Variants in GRIK2 observed in about 807,000 individuals in gnomAD.
GRIK2 encodes the protein glutamate receptor ionotropic, kainate 2.
Under a neutral mutation model 100.3 loss-of-function variants are expected in GRIK2, and 32 were observed. The observed-to-expected ratio is 0.32, with a 90% CI of 0.24 to 0.43. The LOEUF is 0.43. Ranked by LOEUF, GRIK2 falls within the 20% of genes least tolerant of loss-of-function variation. GRIK2 has a pLI of 1.00. For synonymous variants in GRIK2, 417 were observed against 389.4 expected (o/e 1.07, Z -0.83); for missense variants, 843 against 1,114.9 (o/e 0.76, Z 3.47).
chr6:102,031,095 A>G (rs993956497), intron 14 of GRIK2, among the ~76,000 whole-genome samples: 1 of 132,644 alleles, frequency 7.5e-6, no homozygotes, highest in Non-Finnish European at 1.7e-5. Flanking sequence ...ACACACACAC[A>G]CACACACACA....
chr6:101,728,127 T>G lies in GRIK2; in HGVS notation c.951+41774T>G, dbSNP rs189510951. On this transcript the variant is annotated intron_variant, in intron 7 of 16. Coordinates refer to ENST00000369134, the MANE Select transcript of GRIK2 (RefSeq NM_021956.5). ...TAATTTGAAAGCAAAATGAAGATAT[T>G]TGAAATAATTTGGTTAACTTATCAC... Among the ~76,000 whole-genome samples, 283 of 152,098 alleles carry G rather than the reference T, an allele frequency of 1.9e-3. 1 individual carries two copies. Among genetic ancestry groups the G allele is most frequent in the African/African-American group, 6.6e-3 (274 of 41,516 alleles).
At chr6:101,875,060 C>T (rs1785726321) in intron 11 of GRIK2, among the ~76,000 whole-genome samples, 1 of 152,096 alleles carries the variant, frequency 6.6e-6, no homozygotes, top group African/African-American at 2.4e-5. Flanking sequence ...AATTTGATTT[C>T]CTTTTTTCCT....
intron 11 of GRIK2, among the ~76,000 whole-genome samples, chr6:101,875,006 A>T (rs987571339): frequency 6.6e-6 from 1 of 152,072 alleles, no homozygotes. Flanking sequence ...GGCTGAGATG[A>T]TGGGGTTTTC....
intron 2 of GRIK2, among the ~76,000 whole-genome samples, chr6:101,470,043 T>C: frequency 6.6e-6 from 1 of 152,172 alleles, no homozygotes; most frequent in African/African-American, 2.4e-5. Context: ...ACATACAAGT[T>C]CTTAAGTGGC....
intron 7 of GRIK2, among the ~76,000 whole-genome samples, chr6:101,727,662 GT>G (rs1774968211): frequency 6.6e-6 from 1 of 152,018 alleles, no homozygotes; most frequent in Admixed American, 6.6e-5. Flanking sequence ...AGTTTCAGTG[GT>G]TTTTCTTGTG....
intron 14 of GRIK2, among the ~76,000 whole-genome samples, chr6:101,964,562 G>A (rs1291335763): frequency 6.6e-6 from 1 of 152,074 alleles, no homozygotes; most frequent in African/African-American, 2.4e-5. Flanking sequence ...GTGACCAGGG[G>A]GTCTCGCACA....
At chr6:101,419,580 T>C (rs528761183) in intron 2 of GRIK2, among the ~76,000 whole-genome samples, 1 of 152,350 alleles carries the variant, frequency 6.6e-6, no homozygotes, top group Non-Finnish European at 1.5e-5. Context: ...AATTGTATAG[T>C]GCTTTGCATT....
chr6:101,808,142 C>T (rs1303898810), intron 9 of GRIK2, among the ~76,000 whole-genome samples: 2 of 151,936 alleles, frequency 1.3e-5, no homozygotes, highest in African/African-American at 2.4e-5. Context: ...AAACACAAAA[C>T]TGATGGCATA....
chr6:101,678,237 G>C (rs1770983858), intron 5 of GRIK2, among the ~76,000 whole-genome samples: 2 of 152,040 alleles, frequency 1.3e-5, no homozygotes, highest in Admixed American at 6.6e-5. Flanking sequence ...TATCTGGAAG[G>C]TGAGAAGCCT....
chr6:101,926,322 T>C (rs547041644), intron 13 of GRIK2, among the ~76,000 whole-genome samples: 10 of 151,834 alleles, frequency 6.6e-5, no homozygotes, highest in Admixed American at 1.3e-4. Flanking sequence ...ATTTTATAAG[T>C]AGTGTTGAGT....
At chr6:101,544,053 C>G (rs1562214475) in intron 2 of GRIK2, among the ~76,000 whole-genome samples, 1 of 152,198 alleles carries the variant, frequency 6.6e-6, no homozygotes, top group African/African-American at 2.4e-5. Flanking sequence ...TAAACAGACA[C>G]TAGGTTTTCT....
intron 4 of GRIK2, among the ~76,000 whole-genome samples, chr6:101,669,413 T>G (rs1406468420): frequency 6.6e-6 from 1 of 152,196 alleles, no homozygotes; most frequent in Non-Finnish European, 1.5e-5. Flanking sequence ...CAATGGACTG[T>G]AGGATAGGAA....
At chr6:101,496,944 G>A (rs945747731) in intron 2 of GRIK2, among the ~76,000 whole-genome samples, 4 of 152,026 alleles carry the variant, frequency 2.6e-5, no homozygotes, top group African/African-American at 9.7e-5. Context: ...TTGGTAAAAG[G>A]GGCTAAGTAG....
At chr6:101,610,355 T>C (rs1338884974) in intron 2 of GRIK2, among the ~76,000 whole-genome samples, 2 of 151,790 alleles carry the variant, frequency 1.3e-5, no homozygotes, top group Non-Finnish European at 2.9e-5. Flanking sequence ...CTAGCCATCT[T>C]TTAAATTACT....
At chr6:101,452,014 ATTAAC>A (rs1770724661) in intron 2 of GRIK2, among the ~76,000 whole-genome samples, 1 of 151,782 alleles carries the variant, frequency 6.6e-6, no homozygotes, top group African/African-American at 2.4e-5. Context: ...AAATATTTGT[ATTAAC>A]TTAAAATCAT....
At chr6:101,932,399 C>T (rs1790347017) in intron 14 of GRIK2, among the ~76,000 whole-genome samples, 2 of 151,926 alleles carry the variant, frequency 1.3e-5, no homozygotes, top group African/African-American at 4.8e-5. Flanking sequence ...ACATCTCTTT[C>T]TCTAATGCCC....
At chr6:101,768,360 T>C (rs1037706473) in intron 7 of GRIK2, among the ~76,000 whole-genome samples, 3 of 152,156 alleles carry the variant, frequency 2.0e-5, no homozygotes, top group Non-Finnish European at 4.4e-5. Flanking sequence ...TCCCAACTGG[T>C]GTTTGACATG....
At chr6:101,592,119 C>T (rs1240921036) in intron 2 of GRIK2, among the ~76,000 whole-genome samples, 1 of 152,020 alleles carries the variant, frequency 6.6e-6, no homozygotes, top group Non-Finnish European at 1.5e-5. Context: ...AATGCCCTCA[C>T]TAGGAGCAGA....
chr6:101,901,585 A>G (rs1264561902), intron 12 of GRIK2, among the ~76,000 whole-genome samples: 2 of 151,872 alleles, frequency 1.3e-5, no homozygotes, highest in East Asian at 3.8e-4. Flanking sequence ...ACAGTATACC[A>G]TTATAACTTT....
Sources: gnomAD v4.1 joint callset for allele counts (sites outside exome capture counted in the v4.1 genomes callset) on GRCh38, gnomAD v4.1.1 for gene constraint, MANE v1.5 for transcripts, NCBI Gene and HGNC (gene_info 2026-07-23, HGNC 2026-07-21) for gene names.